MKRN1: variants seen among roughly 807,000 people sequenced by gnomAD.
The protein encoded by MKRN1 is makorin ring finger protein 1.
Under a neutral mutation model 55.5 loss-of-function variants are expected in MKRN1, and 9 were observed. The ratio of observed to expected loss-of-function variants is 0.16; its 90% confidence interval spans 0.10 to 0.28. The LOEUF (loss-of-function observed/expected upper bound fraction) is 0.28, where lower values mean the gene tolerates loss of function less well. Ranked by LOEUF, MKRN1 falls within the 10% of genes least tolerant of loss-of-function variation. The pLI is 1.00. For synonymous variants in MKRN1, 253 were observed against 235.9 expected (o/e 1.07, Z -0.66); for missense variants, 488 against 626.7 (o/e 0.78, Z 2.36).
intron 1 of MKRN1, chr7:140,475,163 G>A (rs1563097784): frequency 5.2e-6 from 2 of 385,806 alleles, no homozygotes; most frequent in South Asian, 1.8e-5. Context: ...GCAACATGGT[G>A]AAACCCCATC....
chr7:140,454,343 AC>A lies in MKRN1; in HGVS notation c.*173del. ...AACTTTTTTCAACAGGGAAAACAAC[AC>A]ACTCCTCAGGGAAAGGTGAGGGGTT... On this transcript the variant is annotated 3_prime_UTR_variant, in exon 8 of 8. Transcript: ENST00000255977. The A allele has an allele frequency of 1.6e-6, 1 of 626,750 alleles. No homozygotes were observed. The highest frequency in any genetic ancestry group is 2.8e-5 in the East Asian group (1 of 36,332). 38.8% of individuals were successfully genotyped at this position (626,750 alleles called of 1,614,324 possible).
intron 1 of MKRN1, chr7:140,475,183 C>T (rs1006011714): frequency 4.7e-5 from 20 of 426,658 alleles, no homozygotes; most frequent in African/African-American, 1.9e-4. Context: ...CTCTACTAAA[C>T]GTACAAATAA....
chr7:140,476,436 C>T (rs149800514), intron 1 of MKRN1, among the ~76,000 whole-genome samples: 3 of 138,392 alleles, frequency 2.2e-5, no homozygotes, highest in African/African-American at 8.6e-5. Context: ...CTCGCCACTG[C>T]ACTCCAGCCT....
chr7:140,474,064 A>AGAAAGAAAGAAT (rs1563097061), intron 1 of MKRN1, among the ~76,000 whole-genome samples: 5 of 145,074 alleles, frequency 3.4e-5, no homozygotes, highest in Non-Finnish European at 6.0e-5. Flanking sequence ...AAAGAAAGAA[A>AGAAAGAAAGAAT]GAATAAAAGA....
In MKRN1 at chr7:140,455,344, C is replaced by T; in HGVS notation, c.1098-111G>A. On this transcript the variant is annotated intron_variant, in intron 6 of 7. Transcript: ENST00000255977. The stretch of plus-strand genomic sequence containing the variant: ...GGGATAGAACCAGTATGTCAGCTTA[C>T]AGCCCTCCCCAAGATGTGTTCTTAT... 3.8e-6 allele frequency: 5 copies of T among 1,316,290 alleles called. No individual in the cohort carries two copies. In the South Asian group the frequency reaches 6.8e-5, roughly 18 times the overall value. 81.5% of individuals were successfully genotyped at this position (1,316,290 alleles called of 1,614,324 possible).
chr7:140,465,118 T>G (rs1200375699), intron 2 of MKRN1, among the ~76,000 whole-genome samples: 1 of 152,306 alleles, frequency 6.6e-6, no homozygotes, highest in East Asian at 1.9e-4. Flanking sequence ...GGTTTACAAC[T>G]CCCACCCCAT....
At chr7:140,472,190 G>A in intron 1 of MKRN1, 179 bp from the exon 2 acceptor site, 1 of 814,012 alleles carries the variant, frequency 1.2e-6, no homozygotes, top group East Asian at 2.9e-5. Context: ...GGAGGCTGAG[G>A]TGAGTGGCTC....
intron 1 of MKRN1, among the ~76,000 whole-genome samples, chr7:140,474,005 A>AAG (rs1554450299): frequency 1.5e-5 from 1 of 65,668 alleles, no homozygotes; most frequent in Non-Finnish European, 2.7e-5. Flanking sequence ...AAAAAAAAAA[A>AAG]AAAGAAAGAA....
chr7:140,457,527 C>T (rs1483292977), intron 4 of MKRN1, among the ~76,000 whole-genome samples: 6 of 152,102 alleles, frequency 3.9e-5, no homozygotes, highest in East Asian at 1.9e-4. Context: ...GCCTGGAGTT[C>T]GAGACCAGCC....
intron 5 of MKRN1, 111 bp downstream of exon 5, chr7:140,456,541 A>G: frequency 6.7e-7 from 1 of 1,481,660 alleles, no homozygotes; most frequent in Non-Finnish European, 9.0e-7. Context: ...TCCCAGTTTC[A>G]AGATAAAATG....
intron 2 of MKRN1, among the ~76,000 whole-genome samples, chr7:140,467,436 C>G (rs1001142613): frequency 4.6e-5 from 7 of 151,960 alleles, no homozygotes; most frequent in African/African-American, 2.4e-5. Flanking sequence ...TGCCACCATG[C>G]CCAGCTAATT....
At chr7:140,459,558 TA>T in intron 3 of MKRN1, 148 bp downstream of exon 3, 1 of 792,458 alleles carries the variant, frequency 1.3e-6, no homozygotes, top group Non-Finnish European at 2.0e-6. Flanking sequence ...ACTCTATCTG[TA>T]AATCTTAGGT....
intron 2 of MKRN1, among the ~76,000 whole-genome samples, chr7:140,461,126 T>G (rs6966056): frequency 6.6e-6 from 1 of 152,102 alleles, no homozygotes; most frequent in Non-Finnish European, 1.5e-5. Flanking sequence ...AGCAGACATG[T>G]GGAACATTTT....
intron 4 of MKRN1, among the ~76,000 whole-genome samples, 183 bp downstream of exon 4, chr7:140,458,824 T>C (rs1363048274): frequency 1.3e-5 from 2 of 152,152 alleles, no homozygotes; most frequent in Non-Finnish European, 2.9e-5. Flanking sequence ...CCCAGTTAAT[T>C]TTGTTCACTG....
chr7:140,467,907 C>A lies in MKRN1; in HGVS notation c.314+3976G>T, dbSNP rs530055616. 2.3e-4 allele frequency among the ~76,000 whole-genome samples: 35 copies of A among 149,278 alleles called. No homozygotes were observed. In the South Asian group the frequency reaches 6.5e-3, roughly 28 times the overall value. Reference sequence around the variant, plus strand: ...ATCCCAGCTACTTGGGAGGCTGAGGCAGGACAATCACTTGAACCCGGGAGG... The same window carrying A: ...ATCCCAGCTACTTGGGAGGCTGAGGAAGGACAATCACTTGAACCCGGGAGG... On this transcript the variant is annotated intron_variant, in intron 2 of 7. Coordinates refer to ENST00000255977, the MANE Select transcript of MKRN1 (RefSeq NM_013446.4).
At chr7:140,472,518 T>C (rs1210107704) in intron 1 of MKRN1, 1 of 152,778 alleles carries the variant, frequency 6.5e-6, no homozygotes, top group Admixed American at 6.5e-5. Flanking sequence ...TTTTGCTTTG[T>C]AGCTGGGACT....
chr7:140,478,594 T>C (rs1043868651), intron 1 of MKRN1: 3 of 152,098 alleles, frequency 2.0e-5, no homozygotes, highest in African/African-American at 7.2e-5. Flanking sequence ...AAAAGCTTCT[T>C]CTCACAGTTG....
intron 4 of MKRN1, among the ~76,000 whole-genome samples, chr7:140,458,401 A>G (rs1023027971): frequency 1.3e-5 from 2 of 152,342 alleles, no homozygotes; most frequent in African/African-American, 4.8e-5. Context: ...AGTGAAGTCA[A>G]TCACAAAGGA....
intron 2 of MKRN1, among the ~76,000 whole-genome samples, chr7:140,468,701 C>T (rs1207819561): frequency 3.1e-5 from 1 of 32,126 alleles, no homozygotes; most frequent in Non-Finnish European, 6.4e-5. Context: ...CTCTGTCTCA[C>T]AAAAAAAAAA....
Sources: allele counts gnomAD v4.1 joint callset (sites outside exome capture counted in the v4.1 genomes callset), GRCh38; gene constraint gnomAD v4.1.1; transcripts MANE v1.5; gene names NCBI Gene and HGNC (gene_info 2026-07-23, HGNC 2026-07-21).